PTPRD: variants seen among roughly 807,000 people sequenced by gnomAD.
PTPRD encodes the protein receptor-type tyrosine-protein phosphatase delta.
Under a neutral mutation model 214.5 loss-of-function variants are expected in PTPRD, and 34 were observed. That is an observed-to-expected ratio of 0.16 (90% CI 0.12 to 0.21). The LOEUF is 0.21. Among genes scored for constraint, PTPRD ranks in the 10% least tolerant of loss-of-function variants. The pLI, the probability that PTPRD is intolerant of heterozygous loss-of-function variation, is 1.00. For missense variants in PTPRD, 2,545 were observed against 2,398.7 expected, an observed-to-expected ratio of 1.06 and a Z score of -1.27; for synonymous variants, 1,128 against 845.7, an observed-to-expected ratio of 1.33 and a Z score of -5.79.
chr9:8,526,708 G>A (rs563456426), intron 16 of PTPRD, 64 bp from the exon 17 acceptor site: 3 of 1,348,410 alleles, frequency 2.2e-6, no homozygotes, highest in African/African-American at 1.5e-5. Flanking sequence ...AGAAGAAGGA[G>A]GCTAGGGCTG....
Position 10,196,670 on chromosome 9 carries a change from A to G in PTPRD, c.-545+144293T>C, listed in dbSNP as rs570951672. 2.0e-5 allele frequency among the ~76,000 whole-genome samples: 3 copies of G among 152,302 alleles called. No homozygotes were observed. In the East Asian group the frequency reaches 5.8e-4, roughly 29 times the overall value. ...GAGAATAATTCAACCCTACAGTCTG[A>G]ATATAATACATCATGGTAGGCATAG... On this transcript the variant is annotated intron_variant, in intron 3 of 45. Transcript: ENST00000381196.
intron 12 of PTPRD, among the ~76,000 whole-genome samples, chr9:8,677,405 G>C (rs1230736465): frequency 6.6e-6 from 1 of 152,126 alleles, no homozygotes; most frequent in Non-Finnish European, 1.5e-5. Flanking sequence ...TATCCCAAGT[G>C]AACTAACACG....
At position 9,814,650 on chromosome 9, in the gene PTPRD, T is replaced by C. The variant is rs151063410; in HGVS notation, c.-367-47799A>G. 9.9e-5 allele frequency among the ~76,000 whole-genome samples: 15 copies of C among 152,132 alleles called. No homozygotes were observed. The East Asian group carries it at 2.9e-3, about 29-fold the overall frequency. Reference sequence around the variant, plus strand: ...ATAAATTGAAGAAGACACAAGTAAATAAAATGTTCAAATGTCCATACTACC... The same window carrying C: ...ATAAATTGAAGAAGACACAAGTAAACAAAATGTTCAAATGTCCATACTACC... On this transcript the variant is annotated intron_variant, in intron 5 of 45. Coordinates refer to ENST00000381196, the MANE Select transcript of PTPRD (RefSeq NM_002839.4).
Position 8,465,602 on chromosome 9 carries a change from G to A in PTPRD, c.3578C>T (p.Ala1193Val), listed in dbSNP as rs2134467734. 6.2e-7 allele frequency: 1 copy of A among 1,612,458 alleles called. No individual in the cohort carries two copies. Among genetic ancestry groups the A allele is most frequent in the Non-Finnish European group, 8.5e-7 (1 of 1,178,988 alleles). ...GREVELKPYI[A>V]AHFDVLPTEF... ...AGTGGGAAGGACATCAAAGTGAGCG[G>A]CAATATATGGCTTTAATTCAACTTC... The change falls in exon 32 of 46, where the codon GCC becomes GTC. Residue 1193 changes from alanine to valine, a missense_variant. Transcript: ENST00000381196.
intron 3 of PTPRD, among the ~76,000 whole-genome samples, chr9:10,220,068 A>G (rs2099561281): frequency 1.3e-5 from 2 of 151,872 alleles, no homozygotes; most frequent in African/African-American, 4.8e-5. Context: ...AATTTTACAT[A>G]TTTTATACCT....
At chr9:10,105,296 T>G (rs1204322092) in intron 3 of PTPRD, among the ~76,000 whole-genome samples, 1 of 151,866 alleles carries the variant, frequency 6.6e-6, no homozygotes, top group Non-Finnish European at 1.5e-5. Context: ...TAAGTTAATA[T>G]CTATTATTGA....
At chr9:8,586,522 A>T (rs1283923065) in intron 14 of PTPRD, among the ~76,000 whole-genome samples, 1 of 152,182 alleles carries the variant, frequency 6.6e-6, no homozygotes, top group Non-Finnish European at 1.5e-5. Flanking sequence ...ATTATCAAAA[A>T]AAGGGAACCT....
At chr9:8,632,149 CTGTGTGTG>C (rs956955451) in intron 14 of PTPRD, among the ~76,000 whole-genome samples, 11 of 114,420 alleles carry the variant, frequency 9.6e-5, no homozygotes, top group African/African-American at 3.3e-4. Context: ...GTGTGTGTGT[CTGTGTGTG>C]TGTGTGTTTA....
intron 2 of PTPRD, among the ~76,000 whole-genome samples, chr9:10,406,852 C>T (rs980777758): frequency 2.0e-5 from 3 of 151,534 alleles, no homozygotes; most frequent in Admixed American, 6.6e-5. Context: ...TTCAATCTCA[C>T]GATCTCACAG....
At chr9:9,916,352 C>T (rs2080806053) in intron 5 of PTPRD, among the ~76,000 whole-genome samples, 1 of 151,726 alleles carries the variant, frequency 6.6e-6, no homozygotes, top group Admixed American at 6.6e-5. Context: ...AGAAAACCAA[C>T]CAACCACAAA....
At chr9:8,505,039 G>A (rs2097512359) in intron 22 of PTPRD, among the ~76,000 whole-genome samples, 2 of 152,028 alleles carry the variant, frequency 1.3e-5, no homozygotes, top group Admixed American at 1.3e-4. Context: ...TAAAATAACT[G>A]AAAACCTTAC....
intron 3 of PTPRD, among the ~76,000 whole-genome samples, chr9:10,090,919 T>TACACATAC (rs1555584205): frequency 1.0e-5 from 1 of 99,590 alleles, no homozygotes; most frequent in Non-Finnish European, 2.1e-5. Flanking sequence ...AAATGAAATA[T>TACACATAC]ACACACACAC....
At chr9:8,440,613 C>G (rs2095516172) in intron 34 of PTPRD, among the ~76,000 whole-genome samples, 1 of 152,180 alleles carries the variant, frequency 6.6e-6, no homozygotes, top group South Asian at 2.1e-4. Context: ...GCGCCCGACC[C>G]ATAAATGCAT....
Position 9,793,583 on chromosome 9 carries a change from GCATAAATTATTT to G in PTPRD, c.-367-26744_-367-26733del, listed in dbSNP as rs1255856217. 7.2e-5 allele frequency among the ~76,000 whole-genome samples: 11 copies of G among 151,786 alleles called. No homozygotes were observed. The South Asian group carries it at 8.3e-4, about 11-fold the overall frequency. On this transcript the variant is annotated intron_variant, in intron 5 of 45. Coordinates refer to ENST00000381196, the MANE Select transcript of PTPRD (RefSeq NM_002839.4). ...GAAAGATTATCTCTGTTAGTAAAAAGCATAAATTATTTATTCAGAAATTTACTCCTATTATAT... is the reference window on the plus strand; with the variant it reads ...GAAAGATTATCTCTGTTAGTAAAAAGATTCAGAAATTTACTCCTATTATAT...
At chr9:9,048,338 G>A (rs533996842) in intron 10 of PTPRD, among the ~76,000 whole-genome samples, 73 of 152,260 alleles carry the variant, frequency 4.8e-4, no homozygotes, top group African/African-American at 1.5e-3. Context: ...GTGTATTGAA[G>A]AGATATCTGC....
rs79090690 is a variant in PTPRD at position 8,918,228 on chromosome 9, G to A, written c.-104+100469C>T. ...ATGTGTTAGTGCACACCTGCTGACC[G>A]ACCCAGTCTAACAAAACATACTGAA... On this transcript the variant is annotated intron_variant, in intron 11 of 45. Transcript: ENST00000381196. 9.0e-3 allele frequency among the ~76,000 whole-genome samples: 1,367 copies of A among 152,200 alleles called. 40 individuals carry two copies. The South Asian group carries it at 0.11, about 12-fold the overall frequency.
At chr9:9,716,348 T>C (rs2097830647) in intron 7 of PTPRD, among the ~76,000 whole-genome samples, 1 of 151,674 alleles carries the variant, frequency 6.6e-6, no homozygotes, top group Non-Finnish European at 1.5e-5. Context: ...GCATGATTTA[T>C]AGTCCTTTGG....
intron 2 of PTPRD, among the ~76,000 whole-genome samples, chr9:10,606,533 C>CTTTTTTTTTTTTTTTT (rs34402701): frequency 7.0e-6 from 1 of 143,500 alleles, no homozygotes; most frequent in African/African-American, 2.6e-5. Context: ...TCTTTATTTT[C>CTTTTTTTTTTTTTTTT]TTTTTTTTTT....
At chr9:9,445,267 CA>C (rs759209188) in intron 8 of PTPRD, among the ~76,000 whole-genome samples, 54 of 152,254 alleles carry the variant, frequency 3.5e-4, no homozygotes, top group Non-Finnish European at 2.8e-4. Flanking sequence ...TTATCTGTCC[CA>C]CGTTTATCCC....
Sources: gnomAD v4.1 joint callset for allele counts (sites outside exome capture counted in the v4.1 genomes callset) on GRCh38, gnomAD v4.1.1 for gene constraint, MANE v1.5 for transcripts, NCBI Gene and HGNC (gene_info 2026-07-23, HGNC 2026-07-21) for gene names.